The following SEL1L3 variants were observed in gnomAD, a reference collection of about 807,000 sequenced individuals.
The protein encoded by SEL1L3 is protein sel-1 homolog 3.
A neutral mutation model predicts 142.8 loss-of-function variants in SEL1L3; 76 were observed. That is an observed-to-expected ratio of 0.53 (90% confidence interval 0.44 to 0.64). SEL1L3 has a LOEUF of 0.64. Ranked by LOEUF, SEL1L3 falls within the 30% of genes least tolerant of loss-of-function variation. The pLI is 0.00. For missense variants in SEL1L3, 1,262 were observed against 1,381.7 expected, an observed-to-expected ratio of 0.91 and a Z score of 1.37; for synonymous variants, 504 against 519.6, an observed-to-expected ratio of 0.97 and a Z score of 0.41.
the SEL1L3 span, among the ~76,000 whole-genome samples, chr4:25,724,462 C>A: frequency 9.9e-5 from 15 of 151,898 alleles, no homozygotes; most frequent in Non-Finnish European, 1.8e-4. Flanking sequence ...AAAAAAAAGG[C>A]CAGGTACAGT....
Position 25,767,515 on chromosome 4 carries a change from C to T in SEL1L3, c.2845+10G>A. On this transcript the variant is annotated intron_variant, in intron 19 of 23. Coordinates refer to ENST00000399878, the MANE Select transcript of SEL1L3 (RefSeq NM_015187.5). ...AATGCTTCAATTTTGCACCGTTTTTCTATACATACCAAAGGAAGGAGCATC... is the reference window on the plus strand; with the variant it reads ...AATGCTTCAATTTTGCACCGTTTTTTTATACATACCAAAGGAAGGAGCATC... 6.7e-7 allele frequency: 1 copy of T among 1,496,062 alleles called. No individual in the cohort carries two copies. The allele number at this position is 1,496,062 out of a possible 1,614,324, so 92.7% of individuals were successfully genotyped here. A position where few individuals can be genotyped will look rare whatever the true frequency, so the allele number is the denominator to read the frequency against.
At position 25,835,206 on chromosome 4, in the gene SEL1L3, T is replaced by C; in HGVS notation, c.851A>G (p.Asp284Gly). 6.2e-7 allele frequency: 1 copy of C among 1,614,002 alleles called. No individual in the cohort carries two copies. Among genetic ancestry groups the C allele is most frequent in the Non-Finnish European group, 8.5e-7 (1 of 1,179,892 alleles). ...ELEATRRQRMDYPVFTVSLWL... is the reference protein window; with the variant it reads ...ELEATRRQRMGYPVFTVSLWL... ...TGCTACCCATCCTTACACTGGGTAA[T>C]CCATCCTCTGGCGTCGAGTGGCCTC... Residue 284 changes from aspartate (D) to glycine (G), a missense_variant, in exon 3 of 24, where the codon GAT becomes GGT. Physicochemically the swap from Asp to Gly is moderately conservative, Grantham distance 94. Around this residue, in one of 3 missense-constraint regions of SEL1L3, gnomAD observed 689 missense variants for 692.8 expected, o/e 0.99. Transcript: ENST00000399878.
At chr4:25,779,588 C>T (rs1017366250) in intron 15 of SEL1L3, among the ~76,000 whole-genome samples, 2 of 152,108 alleles carry the variant, frequency 1.3e-5, no homozygotes, top group African/African-American at 2.4e-5. Flanking sequence ...AACTCATGTG[C>T]GAAAACTGCA....
chr4:25,757,652 G>T, intron 22 of SEL1L3, 36 bp downstream of exon 22: 1 of 1,562,860 alleles, frequency 6.4e-7, no homozygotes, highest in East Asian at 2.4e-5. Context: ...AAGGGCAGGG[G>T]CCACAAGGGT....
At chr4:25,792,643 C>G (rs1712434175) in intron 11 of SEL1L3, among the ~76,000 whole-genome samples, 1 of 152,158 alleles carries the variant, frequency 6.6e-6, no homozygotes, top group Non-Finnish European at 1.5e-5. Flanking sequence ...TAGTTTTGAA[C>G]CTAGGTCTTT....
In SEL1L3 at chr4:25,804,585, C is replaced by A; in HGVS notation, c.1732G>T (p.Val578Phe). Residue 578 changes from valine to phenylalanine, a missense_variant, in exon 10 of 24, where the codon GTC becomes TTC. This residue lies in a region of SEL1L3 where 435 missense variants were observed against 559.2 expected (regional missense o/e 0.78). Transcript: ENST00000399878. ...GYHKASYYLA[V>F]FYETGLNVPR... Reference sequence around the variant, plus strand: ...ACATTTAATCCAGTCTCATAAAAGACTGCAAGGTAGTAGGATGCTTTATGG... The same window carrying A: ...ACATTTAATCCAGTCTCATAAAAGAATGCAAGGTAGTAGGATGCTTTATGG... 1 of 1,613,672 alleles carries A rather than the reference C, an allele frequency of 6.2e-7. No homozygotes were observed. Among genetic ancestry groups the A allele is most frequent in the Non-Finnish European group, 8.5e-7 (1 of 1,179,740 alleles).
the SEL1L3 span, among the ~76,000 whole-genome samples, chr4:25,735,139 A>C: frequency 6.6e-6 from 1 of 152,180 alleles, no homozygotes; most frequent in East Asian, 1.9e-4. Flanking sequence ...CTTTTTAGGA[A>C]AAGATTTTCA....
intron 1 of SEL1L3, among the ~76,000 whole-genome samples, chr4:25,848,888 C>T (rs1434589359): frequency 6.6e-6 from 1 of 152,208 alleles, no homozygotes; most frequent in East Asian, 1.9e-4. Context: ...CCTTCAATCC[C>T]ATAACTTTGG....
intron 11 of SEL1L3, among the ~76,000 whole-genome samples, chr4:25,798,907 C>G (rs1447878202): frequency 6.6e-6 from 1 of 152,170 alleles, no homozygotes; most frequent in African/African-American, 2.4e-5. Flanking sequence ...CAAAGATCCA[C>G]AGCCTAGGTG....
At chr4:25,760,313 G>C (rs187951380) in intron 20 of SEL1L3, among the ~76,000 whole-genome samples, 1 of 152,110 alleles carries the variant, frequency 6.6e-6, no homozygotes, top group Non-Finnish European at 1.5e-5. Flanking sequence ...TCTTTAACCA[G>C]TCTACCATTG....
rs1323780537 is a variant in SEL1L3 at position 25,847,593 on chromosome 4, A to G, written c.434T>C (p.Ile145Thr). 1 of 1,613,834 alleles carries G rather than the reference A, an allele frequency of 6.2e-7. No homozygotes were observed. Among genetic ancestry groups the G allele is most frequent in the African/African-American group, 1.3e-5 (1 of 74,904 alleles). ...EKHLHTSRTQIVHVKFPSIMV... is the reference protein window; with the variant it reads ...EKHLHTSRTQTVHVKFPSIMV... ...AATGCTTGGAAATTTCACATGTACTATTTGTGTCCTGCTGGTGTGAAGATG... is the reference window on the plus strand; with the variant it reads ...AATGCTTGGAAATTTCACATGTACTGTTTGTGTCCTGCTGGTGTGAAGATG... The change falls in exon 2 of 24, where the codon ATA (isoleucine) becomes ACA (threonine). Residue 145 changes from isoleucine (I) to threonine (T), a missense_variant. Coordinates refer to ENST00000399878, the MANE Select transcript of SEL1L3 (RefSeq NM_015187.5).
chr4:25,767,241 T>C (rs1004762530), intron 19 of SEL1L3, among the ~76,000 whole-genome samples: 2 of 152,114 alleles, frequency 1.3e-5, no homozygotes, highest in Non-Finnish European at 2.9e-5. Flanking sequence ...GCCCAGATCA[T>C]TCCACTGCAC....
chr4:25,754,113 A>G (rs1717789051), intron 23 of SEL1L3, among the ~76,000 whole-genome samples: 1 of 151,382 alleles, frequency 6.6e-6, no homozygotes. Flanking sequence ...GACCAGCCTG[A>G]CCAACACAGA....
chr4:25,860,189 A>G (rs373622229), intron 1 of SEL1L3, among the ~76,000 whole-genome samples: 20 of 152,296 alleles, frequency 1.3e-4, no homozygotes, highest in African/African-American at 4.8e-4. Context: ...AATGCCTATA[A>G]ACGATTTAGC....
In SEL1L3 at chr4:25,818,215, G is replaced by A; in HGVS notation, c.1487C>T (p.Ala496Val). Reference sequence around the variant, plus strand: ...TTTCAGCTCCTTCTCCCAGGGGAAGGCTCTGCACATCGAGGGTCTCCCATA... The same window carrying A: ...TTTCAGCTCCTTCTCCCAGGGGAAGACTCTGCACATCGAGGGTCTCCCATA... ...RRYGRPSMCR[A>V]FPWEKELKDK... The change falls in exon 9 of 24, where the codon GCC (alanine) becomes GTC (valine). Residue 496 changes from alanine to valine, a missense_variant. Physicochemically the swap from Ala to Val is moderately conservative, Grantham distance 64. Coordinates refer to ENST00000399878, the MANE Select transcript of SEL1L3 (RefSeq NM_015187.5). 6.2e-7 allele frequency: 1 copy of A among 1,605,514 alleles called. No individual in the cohort carries two copies. Among genetic ancestry groups the A allele is most frequent in the South Asian group, 1.1e-5 (1 of 89,054 alleles).
chr4:25,721,593 G>C, the SEL1L3 span, among the ~76,000 whole-genome samples: 2 of 152,106 alleles, frequency 1.3e-5, no homozygotes, highest in East Asian at 3.9e-4. Context: ...AATTCTATTG[G>C]GGAGACAAAG....
intron 12 of SEL1L3, among the ~76,000 whole-genome samples, chr4:25,790,146 CAA>C (rs1420799036): frequency 2.0e-5 from 3 of 152,126 alleles, no homozygotes; most frequent in African/African-American, 4.8e-5. Flanking sequence ...AACTTGAAGT[CAA>C]GAGGGGCCAC....
the SEL1L3 span, among the ~76,000 whole-genome samples, chr4:25,738,955 C>T: frequency 6.6e-6 from 1 of 152,084 alleles, no homozygotes; most frequent in East Asian, 1.9e-4. Context: ...CCTGTAATCC[C>T]AGCACTTTGG....
the SEL1L3 span, among the ~76,000 whole-genome samples, chr4:25,737,272 C>T: frequency 1.3e-5 from 2 of 152,324 alleles, no homozygotes; most frequent in African/African-American, 4.8e-5. Context: ...CGTGAGTCAC[C>T]ACGCCCAGCC....
Sources: gnomAD v4.1 joint callset for allele counts (sites outside exome capture counted in the v4.1 genomes callset) on GRCh38, gnomAD v4.1.1 for gene constraint, gnomAD v4.1.1 regional missense constraint, MANE v1.5 for transcripts, NCBI Gene and HGNC (gene_info 2026-07-23, HGNC 2026-07-21) for gene names.